The following IL1RAPL1 variants were observed in gnomAD, a reference collection of about 807,000 sequenced individuals.
IL1RAPL1 encodes the protein interleukin 1 receptor accessory protein like 1, also known as interleukin-1 receptor accessory protein-like 1.
Under a neutral mutation model 48.4 loss-of-function variants are expected in IL1RAPL1, and 3 were observed. That is an observed-to-expected ratio of 0.06 (90% CI 0.03 to 0.16). The LOEUF (loss-of-function observed/expected upper bound fraction) is 0.16. Ranked by LOEUF, IL1RAPL1 falls within the 10% of genes least tolerant of loss-of-function variation. The pLI is 1.00. For missense variants in IL1RAPL1, 349 were observed against 530.6 expected (o/e 0.66, Z 3.36); for synonymous variants, 185 against 187.7 (o/e 0.99, Z 0.12).
intron 6 of IL1RAPL1, among the ~76,000 whole-genome samples, chrX:29,669,603 G>C (rs1408127528): frequency 1.8e-5 from 2 of 111,454 alleles, no homozygotes; most frequent in East Asian, 5.6e-4. Flanking sequence ...AATTATTGTG[G>C]TCAATGGCTT....
chrX:29,081,030 T>TCTC (rs1436925975), intron 2 of IL1RAPL1, among the ~76,000 whole-genome samples: 3 of 76,347 alleles, frequency 3.9e-5, no homozygotes, highest in East Asian at 4.1e-4. Flanking sequence ...CTTTCTTTTC[T>TCTC]TTTCTTTTCT....
intron 2 of IL1RAPL1, among the ~76,000 whole-genome samples, chrX:28,792,368 A>T (rs779696230): frequency 9.0e-6 from 1 of 111,517 alleles, no homozygotes; most frequent in South Asian, 3.7e-4. Context: ...AAAAGTAGAT[A>T]TTGTTTTCTC....
At chrX:28,918,459 C>T (rs1334622557) in intron 2 of IL1RAPL1, among the ~76,000 whole-genome samples, 1 of 111,707 alleles carries the variant, frequency 9.0e-6, no homozygotes, top group Non-Finnish European at 1.9e-5. Context: ...GGCCCAATGC[C>T]CCCCATGCAA....
intron 5 of IL1RAPL1, among the ~76,000 whole-genome samples, chrX:29,512,670 T>G (rs776231845): frequency 6.2e-5 from 7 of 112,113 alleles, no homozygotes; most frequent in Non-Finnish European, 1.1e-4. Flanking sequence ...GCATACAACT[T>G]AGCACTTGAG....
intron 2 of IL1RAPL1, among the ~76,000 whole-genome samples, chrX:28,836,332 A>T: frequency 1.6e-5 from 1 of 61,026 alleles, no homozygotes; most frequent in African/African-American, 1.1e-4. Flanking sequence ...TTTGCTTCCC[A>T]ATTTTATATA....
intron 1 of IL1RAPL1, among the ~76,000 whole-genome samples, chrX:28,766,888 T>G (rs758413697): frequency 8.9e-6 from 1 of 111,765 alleles, no homozygotes. Flanking sequence ...TTTTTATGGC[T>G]GAATAGTAGT....
chrX:28,768,755 C>CTCTCTCTCTCTATATATATA (rs1364972830), intron 1 of IL1RAPL1, among the ~76,000 whole-genome samples: 1 of 34,888 alleles, frequency 2.9e-5, no homozygotes, highest in Non-Finnish European at 4.8e-5. Flanking sequence ...CTCTCTCTCT[C>CTCTCTCTCTCTATATATATA]TATATATATA....
At chrX:28,985,291 A>T (rs920861351) in intron 2 of IL1RAPL1, among the ~76,000 whole-genome samples, 6 of 111,911 alleles carry the variant, frequency 5.4e-5, no homozygotes, top group Non-Finnish European at 1.1e-4. Context: ...GCAGAGAGAA[A>T]ACAAGAAAAT....
intron 1 of IL1RAPL1, among the ~76,000 whole-genome samples, chrX:28,618,252 T>A (rs1457751879): frequency 8.9e-6 from 1 of 112,325 alleles, no homozygotes; most frequent in Non-Finnish European, 1.9e-5. Context: ...TCTTACTTGT[T>A]CAAGGTGTGA....
At chrX:28,992,489 C>CAAAAA (rs1246127181) in intron 2 of IL1RAPL1, among the ~76,000 whole-genome samples, 1 of 16,522 alleles carries the variant, frequency 6.1e-5, no homozygotes, top group African/African-American at 2.1e-4. Context: ...GACTCTGTCT[C>CAAAAA]AAAAAAAAAA....
At chrX:28,900,915 T>C (rs1175791082) in intron 2 of IL1RAPL1, among the ~76,000 whole-genome samples, 1 of 111,879 alleles carries the variant, frequency 8.9e-6, no homozygotes, top group Non-Finnish European at 1.9e-5. Context: ...GTAAGGATAT[T>C]AACTCTTATA....
At chrX:28,722,784 T>TGAGTG (rs1935603017) in intron 1 of IL1RAPL1, among the ~76,000 whole-genome samples, 1 of 111,612 alleles carries the variant, frequency 9.0e-6, no homozygotes, top group African/African-American at 3.3e-5. Context: ...CCTAATTTAT[T>TGAGTG]GAGTGTTTTT....
chrX:28,739,736 A>G (rs1438614585), intron 1 of IL1RAPL1, among the ~76,000 whole-genome samples: 1 of 110,807 alleles, frequency 9.0e-6, no homozygotes, highest in Non-Finnish European at 1.9e-5. Context: ...CTCTGCCAGG[A>G]ATGCTTATAT....
chrX:29,915,619 C>T (rs1221711757), intron 6 of IL1RAPL1, among the ~76,000 whole-genome samples: 1 of 109,119 alleles, frequency 9.2e-6, no homozygotes, highest in Non-Finnish European at 1.9e-5. Context: ...TACGTACTAT[C>T]AACTCATAGC....
At chrX:28,951,077 A>T (rs1466433261) in intron 2 of IL1RAPL1, among the ~76,000 whole-genome samples, 2 of 84,883 alleles carry the variant, frequency 2.4e-5, no homozygotes, top group East Asian at 4.0e-4. Context: ...AACAATGAGA[A>T]CACATGGACA....
At chrX:29,769,610 ATTTTTTTTTTTTT>A (rs146650137) in intron 6 of IL1RAPL1, among the ~76,000 whole-genome samples, 1 of 43,056 alleles carries the variant, frequency 2.3e-5, no homozygotes, top group Non-Finnish European at 3.8e-5. Context: ...TGCCTGGCTA[ATTTTTTTTTTTTT>A]TTTTTTTTTT....
At chrX:29,320,871 A>G (rs1261129379) in intron 3 of IL1RAPL1, among the ~76,000 whole-genome samples, 1 of 111,059 alleles carries the variant, frequency 9.0e-6, no homozygotes, top group Non-Finnish European at 1.9e-5. Flanking sequence ...CATAGAGGAA[A>G]TTGATATGAT....
At chrX:28,802,992 A>G (rs1309016903) in intron 2 of IL1RAPL1, among the ~76,000 whole-genome samples, 1 of 111,410 alleles carries the variant, frequency 9.0e-6, no homozygotes, top group Non-Finnish European at 1.9e-5. Context: ...TATAAAGAGT[A>G]TATATATATT....
At chrX:29,024,723 T>C (rs1326875222) in intron 2 of IL1RAPL1, among the ~76,000 whole-genome samples, 1 of 111,806 alleles carries the variant, frequency 8.9e-6, no homozygotes, top group East Asian at 2.8e-4. Context: ...TTAATGTCAG[T>C]ATCTATTATC....
Sources: gnomAD v4.1 joint callset for allele counts (sites outside exome capture counted in the v4.1 genomes callset) on GRCh38, gnomAD v4.1.1 for gene constraint, MANE v1.5 for transcripts, NCBI Gene and HGNC (gene_info 2026-07-23, HGNC 2026-07-21) for gene names.